The following PRELID2 variants were observed in gnomAD, a reference collection of about 807,000 sequenced individuals.
PRELID2 encodes PRELI domain containing 2.
Under a neutral mutation model 28.4 loss-of-function variants are expected in PRELID2, and 25 were observed. The ratio of observed to expected loss-of-function variants is 0.88; its 90% CI spans 0.64 to 1.23. PRELID2 has a LOEUF of 1.23. PRELID2 is among the 50% of genes most tolerant of loss of function. PRELID2 has a pLI of 0.00. For synonymous variants in PRELID2, 76 were observed against 71.6 expected, an observed-to-expected ratio of 1.06 and a Z score of -0.31; for missense variants, 201 against 214.4, an observed-to-expected ratio of 0.94 and a Z score of 0.39.
chr5:145,423,067 A>G, the PRELID2 span, among the ~76,000 whole-genome samples: 3 of 146,510 alleles, frequency 2.0e-5, no homozygotes, highest in East Asian at 6.0e-4. Flanking sequence ...ATTGGCCCCC[A>G]CTCTCTTCTG....
At chr5:145,676,770 A>G (rs1410433743) in intron 1 of PRELID2, among the ~76,000 whole-genome samples, 2 of 152,192 alleles carry the variant, frequency 1.3e-5, no homozygotes, top group Non-Finnish European at 2.9e-5. Context: ...TAAGCTCTTA[A>G]ATCTGGTTAT....
the PRELID2 span, among the ~76,000 whole-genome samples, chr5:145,328,597 G>A: frequency 6.6e-6 from 1 of 151,228 alleles, no homozygotes; most frequent in Admixed American, 6.6e-5. Flanking sequence ...AGAAGTGTCT[G>A]TTTATATCCT....
chr5:145,315,801 A>C, the PRELID2 span, among the ~76,000 whole-genome samples: 1 of 152,200 alleles, frequency 6.6e-6, no homozygotes, highest in Non-Finnish European at 1.5e-5. Flanking sequence ...TAATAGGTGG[A>C]GGTAACAGGT....
the PRELID2 span, among the ~76,000 whole-genome samples, chr5:145,458,804 A>T: frequency 7.9e-5 from 12 of 152,302 alleles, no homozygotes; most frequent in East Asian, 1.9e-4. Flanking sequence ...AATGTTCTAC[A>T]ATGGGCATTT....
chr5:145,594,065 G>A (rs924405496), intron 1 of PRELID2, among the ~76,000 whole-genome samples: 2 of 152,056 alleles, frequency 1.3e-5, no homozygotes, highest in Non-Finnish European at 2.9e-5. Context: ...CAAATTAATT[G>A]GGGTATTGTT....
the PRELID2 span, among the ~76,000 whole-genome samples, chr5:145,340,056 G>A: frequency 6.6e-6 from 1 of 152,110 alleles, no homozygotes; most frequent in Admixed American, 6.6e-5. Flanking sequence ...GTGACCTTGG[G>A]ACCACTCCAC....
At chr5:145,230,691 A>G in the PRELID2 span, among the ~76,000 whole-genome samples, 8,715 of 152,298 alleles carry the variant, frequency 0.057, 453 homozygotes, top group African/African-American at 0.14. Flanking sequence ...TACAATAAAC[A>G]TTTATGTCAG....
intron 5 of PRELID2, among the ~76,000 whole-genome samples, chr5:145,779,866 A>G (rs2149793009): frequency 6.6e-6 from 1 of 152,344 alleles, no homozygotes; most frequent in Non-Finnish European, 1.5e-5. Flanking sequence ...CATAACCACT[A>G]AACAATTATT....
chr5:145,820,109 G>A (rs1215662584), intron 2 of PRELID2, 91 bp from the exon 3 acceptor site: 20 of 547,952 alleles, frequency 3.6e-5, no homozygotes, highest in Non-Finnish European at 4.7e-5. Context: ...GGGTTTTTTT[G>A]TTTTTTGTTT....
chr5:145,575,407 A>G (rs1753052070), intron 1 of PRELID2, among the ~76,000 whole-genome samples: 1 of 152,196 alleles, frequency 6.6e-6, no homozygotes. Context: ...AATTGCTCTT[A>G]GATTATGTGC....
the PRELID2 span, among the ~76,000 whole-genome samples, chr5:145,373,015 AT>A: frequency 8.6e-6 from 1 of 115,798 alleles, no homozygotes; most frequent in Non-Finnish European, 1.7e-5. Context: ...TAATATATAT[AT>A]TATATTACAA....
At chr5:145,822,230 G>C (rs948450312) in intron 2 of PRELID2, among the ~76,000 whole-genome samples, 6 of 152,174 alleles carry the variant, frequency 3.9e-5, no homozygotes, top group Non-Finnish European at 8.8e-5. Context: ...CAGTTCTCAA[G>C]TTTAAACACT....
chr5:145,420,618 TAAG>T, the PRELID2 span, among the ~76,000 whole-genome samples: 118 of 121,908 alleles, frequency 9.7e-4, no homozygotes, highest in Non-Finnish European at 1.8e-3. Flanking sequence ...CTTATCAGCT[TAAG>T]GAGATTTTGG....
At chr5:145,235,717 T>C in the PRELID2 span, among the ~76,000 whole-genome samples, 1 of 152,288 alleles carries the variant, frequency 6.6e-6, no homozygotes, top group Non-Finnish European at 1.5e-5. Context: ...ATGCCACACT[T>C]ATGTGTGTAC....
At chr5:145,328,161 T>C in the PRELID2 span, among the ~76,000 whole-genome samples, 4 of 152,154 alleles carry the variant, frequency 2.6e-5, no homozygotes, top group African/African-American at 9.7e-5. Context: ...ATATGTGCCA[T>C]ATTTTCTTTA....
intron 3 of PRELID2, 96 bp downstream of exon 3, chr5:145,819,847 TTC>T (rs1754638939): frequency 1.2e-6 from 1 of 816,088 alleles, no homozygotes; most frequent in African/African-American, 1.9e-5. Context: ...AGTAGGAAGT[TTC>T]TAACGCTCCT....
the PRELID2 span, among the ~76,000 whole-genome samples, chr5:145,417,602 T>C: frequency 6.6e-6 from 1 of 152,134 alleles, no homozygotes; most frequent in Admixed American, 6.6e-5. Context: ...CATAGGCAAA[T>C]CAATAAATGT....
the PRELID2 span, among the ~76,000 whole-genome samples, chr5:145,434,125 T>C: frequency 6.6e-6 from 1 of 152,224 alleles, no homozygotes; most frequent in Non-Finnish European, 1.5e-5. Flanking sequence ...TCTCCTCTTT[T>C]AGTTTCCCTC....
At chr5:145,326,431 C>T in the PRELID2 span, among the ~76,000 whole-genome samples, 2 of 152,134 alleles carry the variant, frequency 1.3e-5, no homozygotes, top group Non-Finnish European at 2.9e-5. Flanking sequence ...AAAGAACCTA[C>T]AGTATCCAAG....
Sources: allele counts gnomAD v4.1 joint callset (sites outside exome capture counted in the v4.1 genomes callset), GRCh38; gene constraint gnomAD v4.1.1; transcripts MANE v1.5; gene names NCBI Gene and HGNC (gene_info 2026-07-23, HGNC 2026-07-21).